LRRC7: variants seen among roughly 807,000 people sequenced by gnomAD.
The protein encoded by LRRC7 is leucine-rich repeat-containing protein 7.
In LRRC7, 23 loss-of-function variants were observed where a neutral mutation model predicts 175.7. That is an observed-to-expected ratio of 0.13 (90% CI 0.09 to 0.19). LRRC7 has a LOEUF of 0.19. Among genes scored for constraint, LRRC7 ranks in the 10% least tolerant of loss-of-function variants. The pLI, the probability that LRRC7 is intolerant of heterozygous loss-of-function variation, is 1.00. For synonymous variants in LRRC7, 685 were observed against 680.9 expected (o/e 1.01, Z -0.09); for missense variants, 1,354 against 1,904.7 (o/e 0.71, Z 5.38).
At chr1:69,618,902 T>C (rs11209500) in intron 1 of LRRC7, among the ~76,000 whole-genome samples, 34,333 of 152,192 alleles carry the variant, frequency 0.23, 4,899 homozygotes, top group Middle Eastern at 0.33. Flanking sequence ...CCACCTGTGT[T>C]CCAAACACTT....
intron 23 of LRRC7, among the ~76,000 whole-genome samples, chr1:70,073,605 T>C (rs1175697944): frequency 6.6e-6 from 1 of 152,224 alleles, no homozygotes; most frequent in Non-Finnish European, 1.5e-5. Flanking sequence ...ATGTAGATTA[T>C]ATTTCATGGA....
In LRRC7 at chr1:70,122,014, A is replaced by G. The variant is rs1309759026; in HGVS notation, c.*127A>G. 6.1e-6 allele frequency: 4 copies of G among 652,498 alleles called. No homozygotes were observed. The highest frequency in any genetic ancestry group is 2.8e-5 in the East Asian group (1 of 36,216). 40.4% of individuals were successfully genotyped at this position (652,498 alleles called of 1,614,324 possible). A position where few individuals can be genotyped will look rare whatever the true frequency, so the allele number is the denominator to read the frequency against. ...ACATTAGTGCCAAATGTATAATACT[A>G]TATGTTAGCACTGACCATCCTTAAA... is the stretch of plus-strand genomic sequence containing the variant. On this transcript the variant is annotated 3_prime_UTR_variant, in exon 27 of 27. Coordinates refer to ENST00000651989, the MANE Select transcript of LRRC7 (RefSeq NM_001370785.2).
intron 1 of LRRC7, among the ~76,000 whole-genome samples, chr1:69,664,094 G>T (rs1167929870): frequency 6.6e-6 from 1 of 152,164 alleles, no homozygotes; most frequent in Non-Finnish European, 1.5e-5. Context: ...TTAACATAAT[G>T]ACTACCAGTT....
rs559365728 is a variant in LRRC7, at chr1:70,137,670, C to T, written c.*15783C>T. ...AGGAAGTATAAAAACTAAAGAATGC[C>T]TGGAACTATGCAGACATAGATCAAG... On this transcript the variant is annotated 3_prime_UTR_variant, in exon 27 of 27. Coordinates refer to ENST00000651989, the MANE Select transcript of LRRC7 (RefSeq NM_001370785.2). 6.6e-6 allele frequency among the ~76,000 whole-genome samples: 1 copy of T among 152,216 alleles called. No individual in the cohort carries two copies. The highest frequency in any genetic ancestry group is 2.1e-4 in the South Asian group (1 of 4,832).
At chr1:69,945,926 C>A (rs1427356697) in intron 8 of LRRC7, among the ~76,000 whole-genome samples, 1 of 152,120 alleles carries the variant, frequency 6.6e-6, no homozygotes, top group African/African-American at 2.4e-5. Flanking sequence ...CATCTGTAAG[C>A]AGAGACATTT....
At chr1:70,003,484 G>T (rs899593059) in intron 11 of LRRC7, among the ~76,000 whole-genome samples, 2 of 152,008 alleles carry the variant, frequency 1.3e-5, no homozygotes, top group Admixed American at 1.3e-4. Flanking sequence ...AGAACTTAGA[G>T]CAATTTAAAA....
chr1:69,641,879 A>T (rs557511723), intron 1 of LRRC7, among the ~76,000 whole-genome samples: 1 of 151,900 alleles, frequency 6.6e-6, no homozygotes, highest in East Asian at 1.9e-4. Flanking sequence ...AAAATTATTC[A>T]AGTAGTCAAA....
intron 1 of LRRC7, among the ~76,000 whole-genome samples, 197 bp downstream of exon 1, chr1:69,568,838 T>C (rs1379821442): frequency 6.6e-6 from 1 of 152,100 alleles, no homozygotes; most frequent in Non-Finnish European, 1.5e-5. Context: ...GCAGAGCATT[T>C]GGAAATGGGG....
At chr1:69,730,000 C>T (rs138513418) in intron 2 of LRRC7, among the ~76,000 whole-genome samples, 57 of 152,304 alleles carry the variant, frequency 3.7e-4, no homozygotes, top group African/African-American at 1.3e-3. Context: ...TGAAAGCTAC[C>T]AAGGCTTGGA....
chr1:69,998,303 C>T (rs954329844), intron 11 of LRRC7, among the ~76,000 whole-genome samples: 2 of 152,182 alleles, frequency 1.3e-5, no homozygotes, highest in Non-Finnish European at 2.9e-5. Context: ...CCCTCATCAC[C>T]TGCCAAGTCA....
At chr1:69,739,105 G>A (rs1412931788) in intron 2 of LRRC7, among the ~76,000 whole-genome samples, 2 of 152,046 alleles carry the variant, frequency 1.3e-5, no homozygotes, top group Non-Finnish European at 2.9e-5. Context: ...GAGGTAAAAC[G>A]ATGCTGATGG....
intron 17 of LRRC7, among the ~76,000 whole-genome samples, chr1:70,025,651 G>C (rs1658010709): frequency 6.6e-6 from 1 of 152,062 alleles, no homozygotes; most frequent in Non-Finnish European, 1.5e-5. Context: ...TACATGAGTA[G>C]AAACAACAGA....
chr1:69,592,885 A>C (rs1646694398), intron 1 of LRRC7, among the ~76,000 whole-genome samples: 1 of 152,086 alleles, frequency 6.6e-6, no homozygotes, highest in Admixed American at 6.6e-5. Flanking sequence ...AAGCAAAGCT[A>C]GGATCCAAAC....
chr1:69,792,776 C>T (rs1415425198), intron 4 of LRRC7, among the ~76,000 whole-genome samples: 1 of 151,940 alleles, frequency 6.6e-6, no homozygotes. Context: ...TCTGGACAGA[C>T]TTGTATATCT....
chr1:69,647,601 T>C (rs1655183481), intron 1 of LRRC7, among the ~76,000 whole-genome samples: 1 of 151,930 alleles, frequency 6.6e-6, no homozygotes, highest in Non-Finnish European at 1.5e-5. Flanking sequence ...ACTTGTTTTT[T>C]TTCTAAAGCC....
intron 24 of LRRC7, among the ~76,000 whole-genome samples, chr1:70,077,715 A>C (rs1290743293): frequency 6.6e-6 from 1 of 152,184 alleles, no homozygotes; most frequent in African/African-American, 2.4e-5. Context: ...CTATTTCCCC[A>C]AAAATGTAAA....
At chr1:69,607,939 A>G (rs1336239959) in intron 1 of LRRC7, 3 of 152,208 alleles carry the variant, frequency 2.0e-5, no homozygotes, top group Admixed American at 1.3e-4. Flanking sequence ...TGGAGTTGTC[A>G]TTACTGTTGG....
intron 1 of LRRC7, among the ~76,000 whole-genome samples, chr1:69,598,125 G>C (rs1488720490): frequency 6.6e-6 from 1 of 152,082 alleles, no homozygotes. Context: ...TGGTAAGATG[G>C]GTTTAGTCAC....
At chr1:69,906,991 G>T (rs1646338491) in intron 7 of LRRC7, among the ~76,000 whole-genome samples, 1 of 151,870 alleles carries the variant, frequency 6.6e-6, no homozygotes, top group South Asian at 2.1e-4. Flanking sequence ...TTGTAAGTTG[G>T]ATTCCTAGGT....
Sources: gnomAD v4.1 joint callset for allele counts (sites outside exome capture counted in the v4.1 genomes callset) on GRCh38, gnomAD v4.1.1 for gene constraint, MANE v1.5 for transcripts, NCBI Gene and HGNC (gene_info 2026-07-23, HGNC 2026-07-21) for gene names.